Variants in CORIN observed in about 807,000 individuals in gnomAD.
The protein encoded by CORIN is corin, serine peptidase.
CORIN carries 117 observed loss-of-function variants against 125.3 expected under a neutral mutation model. That is an observed-to-expected ratio of 0.93 (90% CI 0.80 to 1.09). CORIN has a LOEUF of 1.09. Among genes scored for constraint, CORIN ranks in the 50% least tolerant of loss-of-function variants. CORIN has a pLI of 0.00. For synonymous variants in CORIN, 450 were observed against 466.4 expected (o/e 0.96, Z 0.45); for missense variants, 1,253 against 1,306.7 (o/e 0.96, Z 0.63).
intron 17 of CORIN, among the ~76,000 whole-genome samples, chr4:47,624,904 A>G (rs1250372662): frequency 6.6e-6 from 1 of 151,958 alleles, no homozygotes; most frequent in Non-Finnish European, 1.5e-5. Context: ...AACCCTAAAT[A>G]TATAATTTCC....
At chr4:47,813,453 G>T (rs1369850971) in intron 1 of CORIN, among the ~76,000 whole-genome samples, 3 of 152,120 alleles carry the variant, frequency 2.0e-5, no homozygotes, top group Non-Finnish European at 4.4e-5. Context: ...GCAATAATAT[G>T]CACTCAGAGA....
intron 2 of CORIN, 52 bp from the exon 3 acceptor site, chr4:47,786,977 A>T: frequency 1.6e-6 from 2 of 1,247,900 alleles, no homozygotes; most frequent in Non-Finnish European, 2.3e-6. Flanking sequence ...ACATTACTAG[A>T]AGTGTTTATT....
In CORIN at chr4:47,778,395, A is replaced by G. The variant is rs190138401; in HGVS notation, c.409+8330T>C. ...CTAGGACTGTACCCAAAGGAGAGTGAAACAGTCACTGTTCCATTACTGCTT... is the reference window on the plus strand; with the variant it reads ...CTAGGACTGTACCCAAAGGAGAGTGGAACAGTCACTGTTCCATTACTGCTT... On this transcript the variant is annotated intron_variant, in intron 3 of 21. Transcript: ENST00000273857. Among the ~76,000 whole-genome samples, 561 of 152,340 alleles carry G rather than the reference A, an allele frequency of 3.7e-3. 11 individuals carry two copies. Among genetic ancestry groups the G allele is most frequent in the Non-Finnish European group, 7.3e-4 (50 of 68,036 alleles).
intron 5 of CORIN, among the ~76,000 whole-genome samples, chr4:47,732,257 T>A (rs1295574883): frequency 1.3e-5 from 2 of 152,158 alleles, no homozygotes; most frequent in African/African-American, 4.8e-5. Context: ...AATAGAAATG[T>A]GCTAGAAACC....
chr4:47,660,036 A>G (rs753511536), intron 12 of CORIN, among the ~76,000 whole-genome samples: 5 of 152,184 alleles, frequency 3.3e-5, no homozygotes, highest in Non-Finnish European at 5.9e-5. Context: ...GAACTCATAC[A>G]TCTACAGTGA....
At chr4:47,632,733 A>AAATAGAT (rs1560481330) in intron 16 of CORIN, among the ~76,000 whole-genome samples, 2 of 110,744 alleles carry the variant, frequency 1.8e-5, no homozygotes, top group African/African-American at 7.2e-5. Flanking sequence ...GATGATAGAT[A>AAATAGAT]GATAGATAGA....
At chr4:47,751,057 T>C (rs1316838636) in intron 4 of CORIN, among the ~76,000 whole-genome samples, 2 of 152,230 alleles carry the variant, frequency 1.3e-5, no homozygotes, top group Non-Finnish European at 2.9e-5. Context: ...GTTTTGTTGT[T>C]GGTTTGTTTT....
chr4:47,616,584 G>A (rs1275901238), intron 19 of CORIN, among the ~76,000 whole-genome samples: 6 of 152,178 alleles, frequency 3.9e-5, no homozygotes, highest in African/African-American at 1.4e-4. Flanking sequence ...GTTCCAGTGG[G>A]TTGAAAACTG....
At chr4:47,718,926 T>G (rs1727225551) in intron 5 of CORIN, among the ~76,000 whole-genome samples, 1 of 152,186 alleles carries the variant, frequency 6.6e-6, no homozygotes, top group African/African-American at 2.4e-5. Context: ...ACCTGCCCTT[T>G]TAAATGCTCT....
chr4:47,780,907 G>C (rs1311939979), intron 3 of CORIN, among the ~76,000 whole-genome samples: 2 of 150,304 alleles, frequency 1.3e-5, no homozygotes, highest in African/African-American at 2.5e-5. Flanking sequence ...TATATCCTTT[G>C]AGATTTTATA....
Position 47,669,521 on chromosome 4 carries a change from T to C in CORIN, c.1358-4258A>G, listed in dbSNP as rs542818216. On this transcript the variant is annotated intron_variant, in intron 10 of 21. Coordinates refer to ENST00000273857, the MANE Select transcript of CORIN (RefSeq NM_006587.4). ...CCGCAGAAACCTTCCATATATCTTG[T>C]CTTATCTCAACTGTCTCACTTCCTT... 2.6e-5 allele frequency among the ~76,000 whole-genome samples: 4 copies of C among 151,808 alleles called. No individual in the cohort carries two copies. In the South Asian group the frequency reaches 8.3e-4, roughly 32 times the overall value.
chr4:47,792,658 T>A (rs1271298646), intron 2 of CORIN, among the ~76,000 whole-genome samples: 3 of 152,234 alleles, frequency 2.0e-5, no homozygotes, highest in Non-Finnish European at 4.4e-5. Flanking sequence ...TACTGGGGCA[T>A]AAGCTGAGCA....
intron 5 of CORIN, among the ~76,000 whole-genome samples, chr4:47,743,616 G>T (rs1428432047): frequency 3.3e-5 from 5 of 152,228 alleles, no homozygotes; most frequent in African/African-American, 9.6e-5. Flanking sequence ...GCTGGGAACG[G>T]TGACTCATGT....
At chr4:47,643,921 C>A (rs906799426) in intron 14 of CORIN, among the ~76,000 whole-genome samples, 1 of 152,106 alleles carries the variant, frequency 6.6e-6, no homozygotes, top group African/African-American at 2.4e-5. Context: ...AATTAGTAGT[C>A]CAGGAGTAAA....
chr4:47,787,773 C>T (rs1730886891), intron 2 of CORIN, among the ~76,000 whole-genome samples: 1 of 152,220 alleles, frequency 6.6e-6, no homozygotes, highest in Admixed American at 6.5e-5. Flanking sequence ...AACTTGTAGA[C>T]TTTTACCCCA....
Position 47,631,923 on chromosome 4 carries a change from T to C in CORIN, c.2199-5402A>G, listed in dbSNP as rs537060807. Among the ~76,000 whole-genome samples the C allele has an allele frequency of 3.2e-4, 49 of 152,312 alleles. No individual in the cohort carries two copies. In the South Asian group the frequency reaches 3.9e-3, roughly 12 times the overall value. On this transcript the variant is annotated intron_variant, in intron 16 of 21. Transcript: ENST00000273857. ...GACACACATACAAATATATCACTTT[T>C]CTGATGCTGAAATGAGAGAACAGAG...
At chr4:47,601,613 G>T (rs930199811) in intron 20 of CORIN, among the ~76,000 whole-genome samples, 2 of 151,844 alleles carry the variant, frequency 1.3e-5, no homozygotes, top group African/African-American at 4.8e-5. Context: ...GCGTTATGTT[G>T]CACTATTGCT....
chr4:47,706,450 T>C (rs1435113170), intron 5 of CORIN: 6 of 1,610,816 alleles, frequency 3.7e-6, no homozygotes, highest in African/African-American at 1.3e-5. Flanking sequence ...GAGGGTCCGC[T>C]GCTGGCAGTA....
intron 16 of CORIN, among the ~76,000 whole-genome samples, chr4:47,634,722 CTGGCAG>C (rs1443102406): frequency 2.0e-5 from 3 of 152,166 alleles, no homozygotes; most frequent in African/African-American, 7.2e-5. Flanking sequence ...TTACTTTGGC[CTGGCAG>C]TAAGACACTT....
Sources: allele counts gnomAD v4.1 joint callset (sites outside exome capture counted in the v4.1 genomes callset), GRCh38; gene constraint gnomAD v4.1.1; transcripts MANE v1.5; gene names NCBI Gene and HGNC (gene_info 2026-07-23, HGNC 2026-07-21).